The following NIT2 variants were observed in gnomAD, a reference collection of about 807,000 sequenced individuals.
NIT2 encodes the protein omega-amidase NIT2.
Under a neutral mutation model 42.7 loss-of-function variants are expected in NIT2, and 46 were observed. The observed-to-expected ratio is 1.08, with a 90% CI of 0.85 to 1.38. NIT2 has a LOEUF of 1.38. Among genes scored for constraint, NIT2 ranks in the 40% most tolerant of loss-of-function variants. The probability of loss-of-function intolerance (pLI) is 0.00; values close to 1 mark genes in which losing one functional copy is unlikely to be tolerated. For missense variants in NIT2, 309 were observed against 342.5 expected (o/e 0.90, Z 0.77); for synonymous variants, 123 against 121.9 (o/e 1.01, Z -0.06).
chr3:100,345,626 T>A lies in NIT2; in HGVS notation c.378T>A (p.Phe126Leu). 2 of 1,613,280 alleles carry A rather than the reference T, an allele frequency of 1.2e-6. No homozygotes were observed. Among genetic ancestry groups the A allele is most frequent in the Non-Finnish European group, 1.7e-6 (2 of 1,179,428 alleles). ...FDIDVPGKIT[F>L]QESKTLSPGD... ...TTGATGTTCCTGGAAAAATTACATTTCAAGAATCTAAAACATTGAGTCCGG... is the reference window on the plus strand; with the variant it reads ...TTGATGTTCCTGGAAAAATTACATTACAAGAATCTAAAACATTGAGTCCGG... Residue 126 changes from phenylalanine (F) to leucine (L), a missense_variant, in exon 5 of 10, where the codon TTT becomes TTA. Phe to Leu is a conservative substitution (Grantham distance 22). Coordinates refer to ENST00000394140, the MANE Select transcript of NIT2 (RefSeq NM_020202.5).
chr3:100,346,153 C>G, intron 5 of NIT2, 28 bp from the exon 6 acceptor site: 1 of 1,603,738 alleles, frequency 6.2e-7, no homozygotes, highest in Non-Finnish European at 8.5e-7. Context: ...GTTAACTTTT[C>G]ATTTGTGCAT....
intron 3 of NIT2, 119 bp from the exon 4 acceptor site, chr3:100,340,954 A>G (rs945481854): frequency 1.5e-6 from 1 of 655,504 alleles, no homozygotes; most frequent in African/African-American, 1.8e-5. Flanking sequence ...AAATGAATAA[A>G]TAAACCGTAA....
intron 1 of NIT2, among the ~76,000 whole-genome samples, chr3:100,337,960 A>G (rs981136687): frequency 1.3e-5 from 2 of 152,158 alleles, no homozygotes; most frequent in African/African-American, 4.8e-5. Context: ...GGTCCCAGCT[A>G]CATAAGAGGC....
At chr3:100,354,975 T>C in intron 9 of NIT2, 148 bp downstream of exon 9, 5 of 813,254 alleles carry the variant, frequency 6.1e-6, no homozygotes, top group Non-Finnish European at 9.9e-6. Flanking sequence ...TCTGGTTCTC[T>C]GGCCAATCCC....
Position 100,337,446 on chromosome 3 carries a change from T to C in NIT2, c.8-1641T>C, listed in dbSNP as rs553325337. 1.5e-4 allele frequency among the ~76,000 whole-genome samples: 23 copies of C among 152,070 alleles called. No individual in the cohort carries two copies. In the East Asian group the frequency reaches 4.5e-3, roughly 29 times the overall value. On this transcript the variant is annotated intron_variant, in intron 1 of 9. Coordinates refer to ENST00000394140, the MANE Select transcript of NIT2 (RefSeq NM_020202.5). ...CACTAGTAACTCGAACAAGGAAAAT[T>C]ATTTATTTATTTATTTATTTTTTTG...
intron 8 of NIT2, among the ~76,000 whole-genome samples, chr3:100,354,349 C>T (rs751477883): frequency 6.6e-6 from 1 of 152,206 alleles, no homozygotes; most frequent in Non-Finnish European, 1.5e-5. Context: ...GCAGCCCAGG[C>T]AGGTATGAAG....
At chr3:100,335,565 C>G (rs886438710) in intron 1 of NIT2, among the ~76,000 whole-genome samples, 1 of 152,198 alleles carries the variant, frequency 6.6e-6, no homozygotes, top group Non-Finnish European at 1.5e-5. Context: ...CGGGGTTTCC[C>G]TGCTGCAGCA....
rs1280932863 is a variant in NIT2 at position 100,360,927 on chromosome 3, T to A, written c.*5659T>A. On this transcript the variant is annotated 3_prime_UTR_variant, in exon 10 of 10. Coordinates refer to ENST00000394140, the MANE Select transcript of NIT2 (RefSeq NM_020202.5). ...AATGCGAAAGTCAGGCCAGTTTGCT[T>A]GTGACCTCATTAGATTTGGGCTGTG... 7 of 152,398 alleles carry A rather than the reference T, an allele frequency of 4.6e-5. No individual in the cohort carries two copies. The highest frequency in any genetic ancestry group is 1.7e-4 in the African/African-American group (7 of 41,594). The allele number at this position is 152,398 out of a possible 1,614,324, so 9.4% of individuals were successfully genotyped here.
intron 6 of NIT2, among the ~76,000 whole-genome samples, chr3:100,346,586 G>C (rs371226150): frequency 5.3e-5 from 8 of 152,148 alleles, no homozygotes; most frequent in African/African-American, 1.9e-4. Flanking sequence ...CCTAGACATT[G>C]GGTACAAGTA....
chr3:100,338,789 C>T (rs910144406), intron 1 of NIT2, among the ~76,000 whole-genome samples: 2 of 152,146 alleles, frequency 1.3e-5, no homozygotes, highest in Non-Finnish European at 2.9e-5. Flanking sequence ...TGGGACTTTG[C>T]CCATGGATAT....
intron 5 of NIT2, 59 bp downstream of exon 5, chr3:100,345,737 A>T (rs1706210179): frequency 4.6e-6 from 5 of 1,088,356 alleles, no homozygotes; most frequent in Non-Finnish European, 1.4e-6. Context: ...TCAGGTATTT[A>T]TTTCTTTTTT....
chr3:100,348,986 A>T (rs1706245894), intron 7 of NIT2, 105 bp downstream of exon 7: 2 of 892,434 alleles, frequency 2.2e-6, no homozygotes, highest in Non-Finnish European at 3.6e-6. Context: ...TCTGTCCCTG[A>T]CTCAGGATGC....
intron 6 of NIT2, among the ~76,000 whole-genome samples, chr3:100,347,900 T>TC (rs1332456157): frequency 6.6e-6 from 1 of 151,920 alleles, no homozygotes; most frequent in Non-Finnish European, 1.5e-5. Context: ...GGGTTTCCTT[T>TC]TTTTTTTTGA....
Position 100,347,089 on chromosome 3 carries a change from G to T in NIT2, c.505+834G>T, listed in dbSNP as rs576819741. Among the ~76,000 whole-genome samples, 347 of 151,738 alleles carry T rather than the reference G, an allele frequency of 2.3e-3. 2 individuals carry two copies. Among genetic ancestry groups the T allele is most frequent in the South Asian group, 8.8e-3 (42 of 4,798 alleles). On this transcript the variant is annotated intron_variant, in intron 6 of 9. Transcript: ENST00000394140. ...AGCTGAGATAAATTTGTTTTTTTTT[G>T]TTTGTTTGTTTGTTTGTTTTTTTGA... is the stretch of plus-strand genomic sequence containing the variant.
At chr3:100,354,938 T>C (rs1706310473) in intron 9 of NIT2, 111 bp downstream of exon 9, 3 of 899,954 alleles carry the variant, frequency 3.3e-6, no homozygotes, top group Non-Finnish European at 3.5e-6. Context: ...ATGCCCCTTC[T>C]CATTGATCTC....
At chr3:100,338,992 G>A (rs1576198356) in intron 1 of NIT2, 95 bp from the exon 2 acceptor site, 3 of 840,404 alleles carry the variant, frequency 3.6e-6, no homozygotes, top group Middle Eastern at 4.5e-4. Context: ...ATGTCCCCCC[G>A]GGGACATAAC....
chr3:100,334,897 C>A, intron 1 of NIT2, 99 bp downstream of exon 1: 2 of 1,119,500 alleles, frequency 1.8e-6, no homozygotes, highest in Non-Finnish European at 1.1e-6. Context: ...CCCTCCGCCC[C>A]GCGTCCCCGC....
Position 100,357,710 on chromosome 3 carries a change from G to A in NIT2, c.*2442G>A, listed in dbSNP as rs1706337275. On this transcript the variant is annotated 3_prime_UTR_variant, in exon 10 of 10. Transcript: ENST00000394140. Reference sequence around the variant, plus strand: ...GCTGGAGTGCAGTGGCATGATCTTGGTTCACTGCATCCTCTACCTCCTTGG... The same window carrying A: ...GCTGGAGTGCAGTGGCATGATCTTGATTCACTGCATCCTCTACCTCCTTGG... 6.7e-6 allele frequency: 1 copy of A among 149,600 alleles called. No individual in the cohort carries two copies. The highest frequency in any genetic ancestry group is 6.7e-5 in the Admixed American group (1 of 14,874). The allele number at this position is 149,600 out of a possible 1,614,324, so 9.3% of individuals were successfully genotyped here.
chr3:100,340,413 A>G (rs1332256693), intron 3 of NIT2, among the ~76,000 whole-genome samples: 1 of 152,168 alleles, frequency 6.6e-6, no homozygotes, highest in Admixed American at 6.5e-5. Flanking sequence ...ATTTTTTTCC[A>G]TAGAGGCCAC....
Sources: gnomAD v4.1 joint callset for allele counts (sites outside exome capture counted in the v4.1 genomes callset) on GRCh38, gnomAD v4.1.1 for gene constraint, MANE v1.5 for transcripts, NCBI Gene and HGNC (gene_info 2026-07-23, HGNC 2026-07-21) for gene names.